ANKHD1: variants seen among roughly 807,000 people sequenced by gnomAD.
The protein encoded by ANKHD1 is ankyrin repeat and KH domain-containing protein 1.
A neutral mutation model predicts 230.5 loss-of-function variants in ANKHD1; 31 were observed. The observed-to-expected ratio is 0.13, with a 90% confidence interval of 0.10 to 0.18. The LOEUF is 0.18. Among genes scored for constraint, ANKHD1 ranks in the 10% least tolerant of loss-of-function variants. ANKHD1 has a pLI of 1.00. For synonymous variants in ANKHD1, 1,074 were observed against 1,117.6 expected (o/e 0.96, Z 0.78); for missense variants, 2,256 against 3,071.3 (o/e 0.73, Z 6.27).
In ANKHD1 at chr5:140,497,018, C is replaced by T. The variant is rs1462339863; in HGVS notation, c.2744C>T (p.Ser915Phe). The stretch of plus-strand genomic sequence containing the variant: ...AATGATGTTGATGATGAGCAACAGT[C>T]TCCACCATCGGCAGAACAGATTGAT... ...KDNDVDDEQQSPPSAEQIDFV... is the reference protein window; with the variant it reads ...KDNDVDDEQQFPPSAEQIDFV... Residue 915 changes from serine to phenylalanine, a missense_variant, in exon 15 of 34, where the codon TCT becomes TTT. By Grantham distance (155) the Ser-to-Phe change is radical (BLOSUM62 -2). Around this residue, in one of 13 missense-constraint regions of ANKHD1, gnomAD observed 358 missense variants for 397.7 expected, o/e 0.90. Coordinates refer to ENST00000360839, the MANE Select transcript of ANKHD1 (RefSeq NM_017747.3). 1 of 1,614,204 alleles carries T rather than the reference C, an allele frequency of 6.2e-7. No individual in the cohort carries two copies. Among genetic ancestry groups the T allele is most frequent in the Admixed American group, 1.7e-5 (1 of 60,030 alleles).
intron 15 of ANKHD1, among the ~76,000 whole-genome samples, chr5:140,501,579 C>G (rs1452013441): frequency 6.6e-6 from 1 of 151,762 alleles, no homozygotes; most frequent in African/African-American, 2.4e-5. Flanking sequence ...GAAACCTCAT[C>G]TCTACTAAAA....
intron 6 of ANKHD1, among the ~76,000 whole-genome samples, chr5:140,448,598 A>G (rs1216113511): frequency 6.6e-6 from 1 of 152,150 alleles, no homozygotes; most frequent in Non-Finnish European, 1.5e-5. Flanking sequence ...TAGTAAAAAC[A>G]TGGTGTCTTG....
chr5:140,438,707 G>C lies in ANKHD1; in HGVS notation c.617+90G>C, dbSNP rs185772638. ...TTTTGGTTAAATATATCTTTTGGTG[G>C]AGCTTATAAACTTTAGCTGAAAGGA... On this transcript the variant is annotated intron_variant, in intron 3 of 33. Coordinates refer to ENST00000360839, the MANE Select transcript of ANKHD1 (RefSeq NM_017747.3). The C allele has an allele frequency of 1.1e-5, 16 of 1,450,796 alleles. No homozygotes were observed. The East Asian group carries it at 3.6e-4, about 33-fold the overall frequency. The allele number at this position is 1,450,796 out of a possible 1,614,324, so 89.9% of individuals were successfully genotyped here.
rs1753635524 is a variant in ANKHD1 at position 140,527,011 on chromosome 5, T to C, written c.5024T>C (p.Leu1675Pro). 1 of 1,613,612 alleles carries C rather than the reference T, an allele frequency of 6.2e-7. No individual in the cohort carries two copies. The highest frequency in any genetic ancestry group is 8.5e-7 in the Non-Finnish European group (1 of 1,179,838). The part of the protein sequence containing the change: ...SLPLSSPNIK[L>P]NLTSPKRGQK... The stretch of plus-strand genomic sequence containing the variant: ...CCATTAAGCTCTCCAAACATAAAGC[T>C]GAATCTCACTAGCCCTAAAAGGGGT... The change falls in exon 27 of 34, where the codon CTG (leucine) becomes CCG (proline). Residue 1675 changes from leucine to proline, a missense_variant. This residue lies in a region of ANKHD1 where 212 missense variants were observed against 257.3 expected (regional missense o/e 0.82). Coordinates refer to ENST00000360839, the MANE Select transcript of ANKHD1 (RefSeq NM_017747.3). This position sits in a 1 kb window ranked among gnomAD's most constrained non-coding sequence, Gnocchi z 4.5.
chr5:140,439,184 A>G (rs577126345), intron 3 of ANKHD1, among the ~76,000 whole-genome samples: 2 of 152,308 alleles, frequency 1.3e-5, no homozygotes, highest in African/African-American at 2.4e-5. Flanking sequence ...GTGGTAAAAT[A>G]GTTTTCTTAG....
chr5:140,523,233 A>G (rs1482311879), intron 24 of ANKHD1, among the ~76,000 whole-genome samples: 2 of 150,424 alleles, frequency 1.3e-5, no homozygotes, highest in Non-Finnish European at 3.0e-5. Flanking sequence ...CTGCCTCCCA[A>G]GTAACTGGGA....
rs565083762 is a variant in ANKHD1 at position 140,482,086 on chromosome 5, A to G, written c.1783-494A>G. On this transcript the variant is annotated intron_variant, in intron 10 of 33. Transcript: ENST00000360839. ...AAGTATTTAATTTCTACTTAAAAAA[A>G]AACTACCCATTGGTATATTTTTCTT... 2.2e-4 allele frequency among the ~76,000 whole-genome samples: 34 copies of G among 152,238 alleles called. No homozygotes were observed. In the South Asian group the frequency reaches 5.8e-3, roughly 26 times the overall value.
At chr5:140,467,477 G>C (rs1435114501) in intron 10 of ANKHD1, among the ~76,000 whole-genome samples, 1 of 152,152 alleles carries the variant, frequency 6.6e-6, no homozygotes, top group Admixed American at 6.5e-5. Flanking sequence ...CTACCAAGGA[G>C]GCAGAGGTGT....
In ANKHD1 at chr5:140,436,192, G is replaced by T; in HGVS notation, c.395G>T (p.Gly132Val). 6.2e-7 allele frequency: 1 copy of T among 1,610,748 alleles called. No individual in the cohort carries two copies. Among genetic ancestry groups the T allele is most frequent in the Non-Finnish European group, 8.5e-7 (1 of 1,178,512 alleles). The change falls in exon 2 of 34, where the codon GGA becomes GTA. Residue 132 changes from glycine (G) to valine (V), a missense_variant. Coordinates refer to ENST00000360839, the MANE Select transcript of ANKHD1 (RefSeq NM_017747.3). ...SEIFLSSTAE[G>V]ADLRTVDPET... ...ATATTCTTATCAAGTACTGCAGAAG[G>T]AGCAGACTTACGCACTGTGGATCCA...
chr5:140,478,747 C>A (rs559833658), intron 10 of ANKHD1, among the ~76,000 whole-genome samples: 1 of 152,008 alleles, frequency 6.6e-6, no homozygotes, highest in East Asian at 1.9e-4. Flanking sequence ...AAGGTTCAAG[C>A]GATTCTCCTG....
Position 140,528,556 on chromosome 5 carries a change from T to C in ANKHD1, c.5610T>C (p.Pro1870=), listed in dbSNP as rs370176222. ...AAQTMQQIRH[P]RLPMAQFGGT... The stretch of plus-strand genomic sequence containing the variant: ...AAACTATGCAACAGATTCGGCATCC[T>C]CGCTTACCCATGGCCCAGTTTGGAG... Residue 1870 remains proline (P), a synonymous_variant, in exon 29 of 34, where the codon CCT becomes CCC. Coordinates refer to ENST00000360839, the MANE Select transcript of ANKHD1 (RefSeq NM_017747.3). The C allele has an allele frequency of 3.8e-5, 62 of 1,614,092 alleles. No individual in the cohort carries two copies. Among genetic ancestry groups the C allele is most frequent in the Non-Finnish European group, 5.1e-5 (60 of 1,180,046 alleles).
chr5:140,480,970 T>C (rs1751248682), intron 10 of ANKHD1, among the ~76,000 whole-genome samples: 1 of 152,064 alleles, frequency 6.6e-6, no homozygotes, highest in African/African-American at 2.4e-5. Flanking sequence ...ATGTCCATAA[T>C]AGGAAGAGTG....
intron 10 of ANKHD1, among the ~76,000 whole-genome samples, chr5:140,477,812 A>G (rs530605615): frequency 6.6e-6 from 1 of 152,152 alleles, no homozygotes; most frequent in Admixed American, 6.5e-5. Flanking sequence ...GGGTTTCACC[A>G]TGTTGGGCAG....
At chr5:140,498,431 A>C (rs1425952527) in intron 15 of ANKHD1, among the ~76,000 whole-genome samples, 1 of 152,164 alleles carries the variant, frequency 6.6e-6, no homozygotes, top group African/African-American at 2.4e-5. Context: ...TAGAATTGTG[A>C]TATTGCCTTT....
At position 140,487,127 on chromosome 5, in the gene ANKHD1, A is replaced by G. The variant is rs1423287979; in HGVS notation, c.2245+67A>G. On this transcript the variant is annotated intron_variant, in intron 14 of 33. Coordinates refer to ENST00000360839, the MANE Select transcript of ANKHD1 (RefSeq NM_017747.3). ...ACCTAATTGATAAATCCAGAAATGT[A>G]CTTTAATGATACAGAGTTACTGTGT... The G allele has an allele frequency of 3.4e-6, 5 of 1,485,756 alleles. No homozygotes were observed. The African/African-American group carries it at 4.2e-5, about 12-fold the overall frequency. 92.0% of individuals were successfully genotyped at this position (1,485,756 alleles called of 1,614,324 possible).
At position 140,496,564 on chromosome 5, in the gene ANKHD1, G is replaced by A. The variant is rs1021375041; in HGVS notation, c.2290G>A (p.Asp764Asn). ...KSSSLQVADQ[D>N]LLPSFHPYQP... ...CAGTTCCCTCCAGGTAGCAGATCAG[G>A]ACCTACTGCCATCTTTTCACCCATA... The change falls in exon 15 of 34, where the codon GAC becomes AAC. Residue 764 changes from aspartate (D) to asparagine (N), a missense_variant. Physicochemically the swap from Asp to Asn is conservative, Grantham distance 23. Transcript: ENST00000360839. The A allele has an allele frequency of 2.5e-5, 41 of 1,610,064 alleles. No individual in the cohort carries two copies. Among genetic ancestry groups the A allele is most frequent in the Non-Finnish European group, 1.0e-5 (12 of 1,179,410 alleles).
chr5:140,510,309 C>CTTTTT (rs34693244), intron 22 of ANKHD1, 128 bp downstream of exon 22: 188 of 539,832 alleles, frequency 3.5e-4, no homozygotes, highest in Middle Eastern at 7.6e-4. Context: ...TCTTTCCATT[C>CTTTTT]TTTTTTTTTT....
chr5:140,423,298 T>G (rs1344142310), intron 1 of ANKHD1, among the ~76,000 whole-genome samples: 1 of 152,216 alleles, frequency 6.6e-6, no homozygotes, highest in Non-Finnish European at 1.5e-5. Flanking sequence ...CATCACCTCA[T>G]TTAATTTTCT....
At chr5:140,430,741 C>T (rs1364374362) in intron 1 of ANKHD1, among the ~76,000 whole-genome samples, 5 of 151,018 alleles carry the variant, frequency 3.3e-5, no homozygotes, top group Admixed American at 2.0e-4. Flanking sequence ...ATATAGCAGC[C>T]TCAACCTCCT....
Sources: gnomAD v4.1 joint callset for allele counts (sites outside exome capture counted in the v4.1 genomes callset) on GRCh38, gnomAD v4.1.1 for gene constraint, gnomAD v4.1.1 regional missense constraint, Gnocchi (gnomAD v3.1) non-coding constraint, MANE v1.5 for transcripts, NCBI Gene and HGNC (gene_info 2026-07-23, HGNC 2026-07-21) for gene names.